The following DAP3 variants were observed in gnomAD, a reference collection of about 807,000 sequenced individuals.
DAP3 encodes death associated protein 3, also known as small ribosomal subunit protein mS29.
A neutral mutation model predicts 51.9 loss-of-function variants in DAP3; 28 were observed. The ratio of observed to expected loss-of-function variants is 0.54; its 90% CI spans 0.40 to 0.74. The LOEUF (loss-of-function observed/expected upper bound fraction) is 0.74, where lower values mean the gene tolerates loss of function less well. Ranked by LOEUF, DAP3 falls within the 30% of genes least tolerant of loss-of-function variation. The pLI is 0.00. For synonymous variants in DAP3, 170 were observed against 170.3 expected (o/e 1.00, Z 0.01); for missense variants, 458 against 483.5 (o/e 0.95, Z 0.49).
At chr1:155,720,857 T>A (rs1160091137) in intron 3 of DAP3, among the ~76,000 whole-genome samples, 1 of 151,472 alleles carries the variant, frequency 6.6e-6, no homozygotes. Context: ...GTCAACATGG[T>A]GAAATCCCAT....
In DAP3 at chr1:155,701,441, G is replaced by C. The variant is rs1481102992; in HGVS notation, c.-7-8332G>C. 2.7e-5 allele frequency among the ~76,000 whole-genome samples: 3 copies of C among 111,480 alleles called. No homozygotes were observed. In the Admixed American group the frequency reaches 2.7e-4, roughly 10 times the overall value. The allele number at this position is 111,480 out of a possible 152,430, so 73.1% of individuals were successfully genotyped here. On this transcript the variant is annotated intron_variant, in intron 1 of 12. Transcript: ENST00000368336. ...ACTCAGGGTTAAATGGATTAAGGGCGGTGCAAGATGTGCTTTGTTAAACAG... is the reference window on the plus strand; with the variant it reads ...ACTCAGGGTTAAATGGATTAAGGGCCGTGCAAGATGTGCTTTGTTAAACAG...
At chr1:155,700,713 C>G (rs1289279054) in intron 1 of DAP3, among the ~76,000 whole-genome samples, 1 of 142,502 alleles carries the variant, frequency 7.0e-6, no homozygotes, top group African/African-American at 2.6e-5. Flanking sequence ...AGCCCCCCAA[C>G]CCGGCCAGCC....
chr1:155,733,949 T>A lies in DAP3; in HGVS notation c.993+1916T>A, dbSNP rs1659501200. 2.0e-5 allele frequency among the ~76,000 whole-genome samples: 3 copies of A among 151,782 alleles called. No homozygotes were observed. The South Asian group carries it at 6.2e-4, about 32-fold the overall frequency. On this transcript the variant is annotated intron_variant, in intron 11 of 12. Coordinates refer to ENST00000368336, the MANE Select transcript of DAP3 (RefSeq NM_004632.4). ...CAGAAGGATCCCTTGAGCTCAGGAGTTTGAGACCAGCCTGGGCAACAAAGT... is the reference window on the plus strand; with the variant it reads ...CAGAAGGATCCCTTGAGCTCAGGAGATTGAGACCAGCCTGGGCAACAAAGT...
intron 12 of DAP3, among the ~76,000 whole-genome samples, 195 bp downstream of exon 12, chr1:155,737,258 T>G (rs1206881274): frequency 6.6e-6 from 1 of 152,152 alleles, no homozygotes; most frequent in African/African-American, 2.4e-5. Context: ...CAAAAGAGAT[T>G]TTATCCCTAA....
chr1:155,723,006 T>C (rs1658173885), intron 4 of DAP3, among the ~76,000 whole-genome samples: 1 of 152,196 alleles, frequency 6.6e-6, no homozygotes, highest in East Asian at 1.9e-4. Context: ...AATTTTCATT[T>C]ACATGAAGGC....
At chr1:155,688,608 C>G, upstream of DAP3, 1 of 1,535,562 alleles carries the variant, frequency 6.5e-7, no homozygotes, top group South Asian at 1.2e-5. Context: ...CAGTTCTCCA[C>G]TCCCCCTCAG....
At chr1:155,728,600 A>G (rs1385881088) in intron 7 of DAP3, among the ~76,000 whole-genome samples, 2 of 148,940 alleles carry the variant, frequency 1.3e-5, no homozygotes, top group Non-Finnish European at 3.0e-5. Flanking sequence ...TGGCTCAGAC[A>G]TGTAATTCCA....
chr1:155,731,279 AT>A, intron 9 of DAP3, 76 bp from the exon 10 acceptor site: 18 of 1,459,356 alleles, frequency 1.2e-5, no homozygotes, highest in East Asian at 4.6e-5. Flanking sequence ...AAAAAAAAAA[AT>A]TGTTGTCAAT....
intron 3 of DAP3, 59 bp downstream of exon 3, chr1:155,717,187 C>T (rs1467932406): frequency 1.3e-6 from 2 of 1,579,074 alleles, no homozygotes; most frequent in Non-Finnish European, 1.7e-6. Context: ...TTCCTGTCCT[C>T]ATTTTGCATA....
chr1:155,706,778 A>T (rs1372310056), intron 1 of DAP3, among the ~76,000 whole-genome samples: 1 of 151,770 alleles, frequency 6.6e-6, no homozygotes, highest in Non-Finnish European at 1.5e-5. Context: ...TAAATAAAAT[A>T]AAATAAAGAA....
chr1:155,689,427 G>T (rs1194652996), intron 1 of DAP3: 2 of 468,746 alleles, frequency 4.3e-6, no homozygotes, highest in African/African-American at 4.0e-5. Flanking sequence ...TGCCCTTGAC[G>T]CACTTACTCA....
At chr1:155,711,650 C>T (rs1012974633) in intron 2 of DAP3, among the ~76,000 whole-genome samples, 32 of 151,046 alleles carry the variant, frequency 2.1e-4, no homozygotes, top group Non-Finnish European at 4.6e-4. Flanking sequence ...AGGGACAGCA[C>T]TAATAGGATA....
chr1:155,688,393 C>A (rs184679972), upstream of DAP3: 1,141 of 1,542,526 alleles, frequency 7.4e-4, 20 homozygotes, highest in East Asian at 0.027. Flanking sequence ...CGCCTAGCGA[C>A]ACCCCCAACC....
In DAP3 at chr1:155,717,022, T is replaced by C; in HGVS notation, c.62T>C (p.Phe21Ser). 3 of 1,614,008 alleles carry C rather than the reference T, an allele frequency of 1.9e-6. No individual in the cohort carries two copies. Among genetic ancestry groups the C allele is most frequent in the Non-Finnish European group, 2.5e-6 (3 of 1,179,998 alleles). ...CTCTTATAGTTGGACCCTGGGCGTT[T>C]TTTACACATGGGGACCCAGGCTCGC... ...SRIHKLDPGRFLHMGTQARQS... is the reference protein window; with the variant it reads ...SRIHKLDPGRSLHMGTQARQS... Residue 21 changes from phenylalanine (F) to serine (S), a missense_variant, in exon 3 of 13, where the codon TTT becomes TCT. Transcript: ENST00000368336.
At chr1:155,707,865 C>T (rs1461031632) in intron 1 of DAP3, among the ~76,000 whole-genome samples, 1 of 152,088 alleles carries the variant, frequency 6.6e-6, no homozygotes, top group Non-Finnish European at 1.5e-5. Flanking sequence ...TTTTTGAGAT[C>T]CATGTTGATG....
At chr1:155,708,626 C>T (rs1474878263) in intron 1 of DAP3, among the ~76,000 whole-genome samples, 1 of 144,714 alleles carries the variant, frequency 6.9e-6, no homozygotes, top group African/African-American at 2.6e-5. Context: ...ACTGCAACCT[C>T]TGGATGCAAG....
intron 12 of DAP3, 87 bp downstream of exon 12, chr1:155,737,150 C>T (rs1370442438): frequency 1.1e-6 from 1 of 921,084 alleles, no homozygotes; most frequent in Non-Finnish European, 1.7e-6. Flanking sequence ...CTTCCCTTAA[C>T]AACAGCCTCT....
intron 1 of DAP3, among the ~76,000 whole-genome samples, chr1:155,702,414 C>T (rs1052103206): frequency 1.4e-4 from 21 of 151,644 alleles, no homozygotes; most frequent in Admixed American, 2.0e-4. Flanking sequence ...CAGAGGTTGC[C>T]GTGAGCCAAT....
At position 155,732,010 on chromosome 1, in the gene DAP3, C is replaced by T; in HGVS notation, c.970C>T (p.Leu324=). ...GSLFKPRKAY[L]PQELLGKEGF... is the part of the protein sequence containing the mutation. ...TCTCTTTAAGCCCCGGAAAGCCTAT[C>T]TGCCCCAGGAGTTGCTGGGAAAGGT... Residue 324 remains leucine, a synonymous_variant, in exon 11 of 13, where the codon CTG becomes TTG. Transcript: ENST00000368336. 1.2e-6 allele frequency: 2 copies of T among 1,611,922 alleles called. No homozygotes were observed. Among genetic ancestry groups the T allele is most frequent in the Non-Finnish European group, 1.7e-6 (2 of 1,178,988 alleles).
Sources: gnomAD v4.1 joint callset for allele counts (sites outside exome capture counted in the v4.1 genomes callset) on GRCh38, gnomAD v4.1.1 for gene constraint, MANE v1.5 for transcripts, NCBI Gene and HGNC (gene_info 2026-07-23, HGNC 2026-07-21) for gene names.